RPTOR: variants seen among roughly 807,000 people sequenced by gnomAD.
RPTOR encodes the protein regulatory-associated protein of mTOR.
Under a neutral mutation model 169.9 loss-of-function variants are expected in RPTOR, and 21 were observed. The observed-to-expected ratio is 0.12, with a 90% CI of 0.09 to 0.18. RPTOR has a LOEUF of 0.18. Among genes scored for constraint, RPTOR ranks in the 10% least tolerant of loss-of-function variants. RPTOR has a pLI of 1.00. For missense variants in RPTOR, 1,133 were observed against 1,855.9 expected (o/e 0.61, Z 7.16); for synonymous variants, 732 against 753.2 (o/e 0.97, Z 0.46).
At chr17:80,773,207 G>A (rs953793091) in intron 6 of RPTOR, among the ~76,000 whole-genome samples, 5 of 152,200 alleles carry the variant, frequency 3.3e-5, no homozygotes, top group Non-Finnish European at 5.9e-5. Flanking sequence ...GTGGGCAGGC[G>A]CTGTTGATGT....
intron 21 of RPTOR, among the ~76,000 whole-genome samples, chr17:80,911,997 G>C (rs560290258): frequency 1.3e-5 from 2 of 152,276 alleles, no homozygotes; most frequent in South Asian, 4.2e-4. Context: ...GATTGGGACT[G>C]AAACCGTCAC....
At chr17:80,837,741 G>A (rs1026081792) in intron 9 of RPTOR, among the ~76,000 whole-genome samples, 181 bp from the exon 10 acceptor site, 3 of 152,204 alleles carry the variant, frequency 2.0e-5, no homozygotes, top group East Asian at 3.9e-4. Flanking sequence ...CCCCTCGGAC[G>A]TCTTCTGCAG....
intron 3 of RPTOR, among the ~76,000 whole-genome samples, chr17:80,663,294 A>C (rs1166844393): frequency 6.6e-6 from 1 of 151,900 alleles, no homozygotes; most frequent in Admixed American, 6.6e-5. Context: ...TGGACCATAT[A>C]TTTTTATTTC....
At position 80,891,779 on chromosome 17, in the gene RPTOR, G is replaced by A. The variant is rs761946713; in HGVS notation, c.2043G>A (p.Val681=). ...VVQYESNFCT[V]ALQFIEEEKN... Reference sequence around the variant, plus strand: ...AGTATGAAAGCAATTTCTGCACCGTGGCCCTGCAGTTCATAGAAGAGGAAA... The same window carrying A: ...AGTATGAAAGCAATTTCTGCACCGTAGCCCTGCAGTTCATAGAAGAGGAAA... Residue 681 remains valine (V), a synonymous_variant, in exon 18 of 34, where the codon GTG becomes GTA. Coordinates refer to ENST00000306801, the MANE Select transcript of RPTOR (RefSeq NM_020761.3). 3 of 1,613,984 alleles carry A rather than the reference G, an allele frequency of 1.9e-6. No homozygotes were observed. The highest frequency in any genetic ancestry group is 2.5e-6 in the Non-Finnish European group (3 of 1,180,014).
At chr17:80,840,942 TG>T (rs2067638191) in intron 10 of RPTOR, among the ~76,000 whole-genome samples, 1 of 12,990 alleles carries the variant, frequency 7.7e-5, no homozygotes, top group African/African-American at 5.4e-4. Flanking sequence ...TCACTCTCTC[TG>T]CACCGCAGCT....
Position 80,774,277 on chromosome 17 carries a change from C to T in RPTOR, c.831-17173C>T, listed in dbSNP as rs180770808. On this transcript the variant is annotated intron_variant, in intron 6 of 33. Coordinates refer to ENST00000306801, the MANE Select transcript of RPTOR (RefSeq NM_020761.3). The stretch of plus-strand genomic sequence containing the variant: ...TCACGCTCCGGTGTGACACAGACGG[C>T]GCGGGAGCTGCACGGGAGAGTGCTT... The T allele has an allele frequency of 4.7e-4, 465 of 985,358 alleles. 1 individual carries two copies. The African/African-American group carries it at 5.3e-3, about 11-fold the overall frequency. The allele number at this position is 985,358 out of a possible 1,614,324, so 61.0% of individuals were successfully genotyped here.
chr17:80,958,687 A>G (rs1487024808), intron 29 of RPTOR, among the ~76,000 whole-genome samples: 5 of 152,132 alleles, frequency 3.3e-5, no homozygotes, highest in Non-Finnish European at 7.4e-5. Flanking sequence ...TGCTGGGATT[A>G]CAGGCGTGAG....
Position 80,730,691 on chromosome 17 carries a change from G to A in RPTOR, c.639G>A (p.Arg213=), listed in dbSNP as rs776006729. 1.9e-6 allele frequency: 3 copies of A among 1,612,506 alleles called. No homozygotes were observed. Among genetic ancestry groups the A allele is most frequent in the African/African-American group, 2.7e-5 (2 of 74,842 alleles). The change falls in exon 5 of 34, where the codon CGG becomes CGA. Residue 213 remains arginine (R), a synonymous_variant. Coordinates refer to ENST00000306801, the MANE Select transcript of RPTOR (RefSeq NM_020761.3). The surrounding 1 kb of genome is among the most constrained non-coding windows in gnomAD (Gnocchi z 4.2). Reference sequence around the variant, plus strand: ...CCTTCAAGCAGTTCGCACTACAGCGGGAGCAGGAGCTGGAGGTGAGCGCTC... The same window carrying A: ...CCTTCAAGCAGTTCGCACTACAGCGAGAGCAGGAGCTGGAGGTGAGCGCTC... The part of the protein sequence containing the change: ...VKSFKQFALQ[R]EQELEVAAIN...
At chr17:80,903,049 G>A (rs971831373) in intron 20 of RPTOR, among the ~76,000 whole-genome samples, 4 of 152,218 alleles carry the variant, frequency 2.6e-5, no homozygotes, top group South Asian at 2.1e-4. Flanking sequence ...TGCTAGATAC[G>A]GTGACATTTT....
chr17:80,741,779 G>T (rs560603529), intron 5 of RPTOR, among the ~76,000 whole-genome samples: 1 of 152,212 alleles, frequency 6.6e-6, no homozygotes, highest in Non-Finnish European at 1.5e-5. Flanking sequence ...GGATGGTGAC[G>T]AGCCCCCATG....
At chr17:80,916,999 A>G (rs1468575920) in intron 21 of RPTOR, among the ~76,000 whole-genome samples, 2 of 152,278 alleles carry the variant, frequency 1.3e-5, no homozygotes, top group East Asian at 3.9e-4. Flanking sequence ...AAAAAGTAAA[A>G]GAGAATGAAA....
intron 7 of RPTOR, among the ~76,000 whole-genome samples, chr17:80,795,701 A>G (rs1472226439): frequency 6.6e-6 from 1 of 152,102 alleles, no homozygotes; most frequent in Non-Finnish European, 1.5e-5. Context: ...GAGCAGCTCC[A>G]TCTGGCCCTC....
At chr17:80,760,777 C>T (rs1255552619) in intron 6 of RPTOR, among the ~76,000 whole-genome samples, 4 of 152,182 alleles carry the variant, frequency 2.6e-5, no homozygotes, top group African/African-American at 7.2e-5. Context: ...GGTGGATTCC[C>T]TCCCTCCCTC....
chr17:80,952,717 C>T (rs913525687), intron 28 of RPTOR, among the ~76,000 whole-genome samples: 3 of 152,136 alleles, frequency 2.0e-5, no homozygotes, highest in Non-Finnish European at 4.4e-5. Flanking sequence ...CTGTTCTTCC[C>T]GACCCAAGGT....
At chr17:80,613,940 T>C (rs12946802) in intron 1 of RPTOR, among the ~76,000 whole-genome samples, 31,636 of 152,272 alleles carry the variant, frequency 0.21, 3,424 homozygotes, top group East Asian at 0.28. Context: ...GTGGCCGTGC[T>C]GAGTGGATTC....
chr17:80,665,838 C>T (rs1004348885), intron 3 of RPTOR, among the ~76,000 whole-genome samples: 5 of 152,118 alleles, frequency 3.3e-5, no homozygotes, highest in East Asian at 1.9e-4. Flanking sequence ...CCACCGCGCC[C>T]GGCCCCCCAA....
chr17:80,634,486 T>C (rs2065477749), intron 2 of RPTOR, among the ~76,000 whole-genome samples: 1 of 126,502 alleles, frequency 7.9e-6, no homozygotes, highest in African/African-American at 4.3e-5. Flanking sequence ...ATACTGTGTG[T>C]GCATACTGTG....
intron 1 of RPTOR, among the ~76,000 whole-genome samples, chr17:80,617,700 G>A (rs562527218): frequency 6.6e-6 from 1 of 152,168 alleles, no homozygotes; most frequent in East Asian, 1.9e-4. Context: ...AAGGTGTTTC[G>A]GGTAGAGGCA....
At chr17:80,910,591 C>G (rs554918986) in intron 21 of RPTOR, among the ~76,000 whole-genome samples, 1 of 152,060 alleles carries the variant, frequency 6.6e-6, no homozygotes, top group African/African-American at 2.4e-5. Context: ...TCTGCAGGGT[C>G]GAGGAGCCAC....
Sources: gnomAD v4.1 joint callset for allele counts (sites outside exome capture counted in the v4.1 genomes callset) on GRCh38, gnomAD v4.1.1 for gene constraint, Gnocchi (gnomAD v3.1) non-coding constraint, MANE v1.5 for transcripts, NCBI Gene and HGNC (gene_info 2026-07-23, HGNC 2026-07-21) for gene names.